The following ARHGEF7 variants were observed in gnomAD, a reference collection of about 807,000 sequenced individuals.
ARHGEF7 encodes PAK-interacting exchange factor beta.
In ARHGEF7, 33 loss-of-function variants were observed where a neutral mutation model predicts 109.8. That is an observed-to-expected ratio of 0.30 (90% confidence interval 0.23 to 0.40). ARHGEF7 has a LOEUF of 0.40. Ranked by LOEUF, ARHGEF7 falls within the 10% of genes least tolerant of loss-of-function variation. The pLI is 1.00. For missense variants in ARHGEF7, 938 were observed against 1,098.5 expected (o/e 0.85, Z 2.07); for synonymous variants, 458 against 424.6 (o/e 1.08, Z -0.97).
At position 111,292,853 on chromosome 13, in the gene ARHGEF7, G is replaced by A. The variant is rs962021493; in HGVS notation, c.2311+559G>A. 1.5e-5 allele frequency: 15 copies of A among 991,404 alleles called. No homozygotes were observed. The African/African-American group carries it at 2.6e-4, about 17-fold the overall frequency. The allele number at this position is 991,404 out of a possible 1,614,324, so 61.4% of individuals were successfully genotyped here. A position where few individuals can be genotyped will look rare whatever the true frequency, so the allele number is the denominator to read the frequency against. On this transcript the variant is annotated intron_variant, in intron 19 of 21. Transcript: ENST00000646102. Reference sequence around the variant, plus strand: ...AGCCCAGTTCCAACGGCTGTGTTCTGGTAATCGTGCAGAACAGCATGTGGG... The same window carrying A: ...AGCCCAGTTCCAACGGCTGTGTTCTAGTAATCGTGCAGAACAGCATGTGGG...
At chr13:111,294,956 T>C (rs1246089225) in intron 19 of ARHGEF7, 3 of 984,940 alleles carry the variant, frequency 3.0e-6, no homozygotes, top group Non-Finnish European at 3.6e-6. Context: ...AATGTGTATA[T>C]AGTGGTATAA....
At chr13:111,274,695 T>G (rs370825551) in intron 10 of ARHGEF7, 36 bp from the exon 11 acceptor site, 3 of 1,318,098 alleles carry the variant, frequency 2.3e-6, no homozygotes, top group African/African-American at 3.1e-5. Flanking sequence ...AAGCTTTTCC[T>G]TATGAAAGCT....
At chr13:111,124,661 G>A (rs1385784306) in intron 1 of ARHGEF7, among the ~76,000 whole-genome samples, 1 of 152,186 alleles carries the variant, frequency 6.6e-6, no homozygotes, top group African/African-American at 2.4e-5. Flanking sequence ...ACTGGCTACT[G>A]GGATGGGACC....
At chr13:111,149,569 C>T (rs891774993) in intron 1 of ARHGEF7, among the ~76,000 whole-genome samples, 1 of 152,192 alleles carries the variant, frequency 6.6e-6, no homozygotes, top group Non-Finnish European at 1.5e-5. Context: ...GAACATTTTG[C>T]CAACCAATCA....
chr13:111,160,950 A>T (rs2076694490), intron 2 of ARHGEF7, among the ~76,000 whole-genome samples: 1 of 152,214 alleles, frequency 6.6e-6, no homozygotes, highest in Non-Finnish European at 1.5e-5. Context: ...TCTTTGTAAC[A>T]GTGTGAACGT....
At chr13:111,141,974 T>C (rs1450461185) in intron 1 of ARHGEF7, among the ~76,000 whole-genome samples, 5 of 152,238 alleles carry the variant, frequency 3.3e-5, no homozygotes, top group African/African-American at 1.2e-4. Context: ...CTGCTCCACA[T>C]TCTTGCCAGC....
intron 5 of ARHGEF7, among the ~76,000 whole-genome samples, chr13:111,221,189 CT>C (rs1566868162): frequency 8.0e-5 from 5 of 62,206 alleles, no homozygotes; most frequent in South Asian, 5.8e-4. Context: ...ATATATATGT[CT>C]ATATATATCT....
At position 111,301,462 on chromosome 13, in the gene ARHGEF7, C is replaced by G. The variant is rs774308897; in HGVS notation, c.2412-16C>G. The stretch of plus-strand genomic sequence containing the variant: ...CTCACCTTGTTCATGTGTGTGTGTT[C>G]TGTTTCCTGTTTCAGGAGTCTTGTG... On this transcript the variant is annotated splice_polypyrimidine_tract_variant and intron_variant, in intron 20 of 21. Transcript: ENST00000646102. The G allele has an allele frequency of 1.7e-5, 28 of 1,610,946 alleles. No homozygotes were observed. Among genetic ancestry groups the G allele is most frequent in the Non-Finnish European group, 1.1e-5 (13 of 1,177,728 alleles).
Position 111,298,506 on chromosome 13 carries a change from G to A in ARHGEF7, c.2312-2242G>A, listed in dbSNP as rs2093476098. ...GGGTCCTCTCCCGTGGCCTCTTGGA[G>A]CACAGGCACCTGGAGTGTCAGGAGT... is the stretch of plus-strand genomic sequence containing the variant. On this transcript the variant is annotated intron_variant, in intron 19 of 21. Coordinates refer to ENST00000646102, the MANE Select transcript of ARHGEF7 (RefSeq NM_001354046.2). 1.3e-5 allele frequency among the ~76,000 whole-genome samples: 2 copies of A among 152,210 alleles called. 1 individual carries two copies. The highest frequency in any genetic ancestry group is 6.3e-3 in the Middle Eastern group (2 of 316).
chr13:111,258,537 C>A lies in ARHGEF7; in HGVS notation c.951-9011C>A, dbSNP rs1484691546. Among the ~76,000 whole-genome samples the A allele has an allele frequency of 6.6e-6, 1 of 152,244 alleles. No individual in the cohort carries two copies. Among genetic ancestry groups the A allele is most frequent in the Non-Finnish European group, 1.5e-5 (1 of 68,044 alleles). On this transcript the variant is annotated intron_variant, in intron 8 of 21. Transcript: ENST00000646102. This position sits in a 1 kb window ranked among gnomAD's most constrained non-coding sequence, Gnocchi z 4.4. ...GCACCCAGTTCCTGTCAGGATCCAT[C>A]ATCTGCTGACTAAAGAGTCCTTGGG...
chr13:111,155,718 A>C (rs906134424), intron 2 of ARHGEF7, among the ~76,000 whole-genome samples: 2 of 152,234 alleles, frequency 1.3e-5, no homozygotes, highest in African/African-American at 4.8e-5. Flanking sequence ...ATACTTTTGA[A>C]ACTCAATTGG....
At chr13:111,277,805 A>C in intron 13 of ARHGEF7, 132 bp downstream of exon 13, 1 of 599,578 alleles carries the variant, frequency 1.7e-6, no homozygotes, top group Non-Finnish European at 2.9e-6. Context: ...ATATTCAGAT[A>C]TGGACGTACA....
intron 5 of ARHGEF7, among the ~76,000 whole-genome samples, chr13:111,219,558 C>G (rs2083553813): frequency 6.6e-6 from 1 of 152,020 alleles, no homozygotes; most frequent in African/African-American, 2.4e-5. Flanking sequence ...GGAGGAACTG[C>G]CACGTGGTTT....
intron 1 of ARHGEF7, among the ~76,000 whole-genome samples, chr13:111,129,225 A>C (rs920414364): frequency 6.6e-6 from 1 of 152,208 alleles, no homozygotes; most frequent in Non-Finnish European, 1.5e-5. Context: ...TGAATCATAG[A>C]TCTAAATGTA....
intron 4 of ARHGEF7, among the ~76,000 whole-genome samples, chr13:111,214,525 A>C (rs1317642659): frequency 6.6e-6 from 1 of 152,256 alleles, no homozygotes; most frequent in Admixed American, 6.5e-5. Flanking sequence ...CGATCACAGC[A>C]GACAGCTAGT....
chr13:111,288,569 AT>A (rs1313381231), intron 18 of ARHGEF7, 126 bp downstream of exon 18: 10 of 554,560 alleles, frequency 1.8e-5, no homozygotes, highest in Non-Finnish European at 3.0e-5. Context: ...CCAGTGAGTG[AT>A]GTTTCAGTCA....
intron 19 of ARHGEF7, chr13:111,293,064 G>A: frequency 1.0e-6 from 1 of 985,398 alleles, no homozygotes; most frequent in Non-Finnish European, 1.2e-6. Context: ...AAACTTCCCT[G>A]AATTGCAGTG....
chr13:111,115,961 G>T (rs1168333628), intron 1 of ARHGEF7, among the ~76,000 whole-genome samples: 1 of 151,862 alleles, frequency 6.6e-6, no homozygotes, highest in Non-Finnish European at 1.5e-5. Context: ...GCACCGCAGC[G>T]AGGAGACGGG....
At chr13:111,189,002 G>C (rs967283011) in intron 2 of ARHGEF7, among the ~76,000 whole-genome samples, 1 of 152,232 alleles carries the variant, frequency 6.6e-6, no homozygotes, top group African/African-American at 2.4e-5. Flanking sequence ...TGTCAGTTAT[G>C]TGTTAGCTGC....
Sources: gnomAD v4.1 joint callset for allele counts (sites outside exome capture counted in the v4.1 genomes callset) on GRCh38, gnomAD v4.1.1 for gene constraint, Gnocchi (gnomAD v3.1) non-coding constraint, MANE v1.5 for transcripts, NCBI Gene and HGNC (gene_info 2026-07-23, HGNC 2026-07-21) for gene names.